DOCK10: variants seen among roughly 807,000 people sequenced by gnomAD.
The protein encoded by DOCK10 is dedicator of cytokinesis 10, also known as dedicator of cytokinesis protein 10.
Under a neutral mutation model 280.1 loss-of-function variants are expected in DOCK10, and 145 were observed. The ratio of observed to expected loss-of-function variants is 0.52; its 90% CI spans 0.45 to 0.59. The LOEUF is 0.59. DOCK10 is among the 20% of genes least tolerant of loss of function. The pLI is 0.00. For missense variants in DOCK10, 2,368 were observed against 2,651.7 expected (o/e 0.89, Z 2.35); for synonymous variants, 915 against 942.2 (o/e 0.97, Z 0.53).
At chr2:224,831,124 A>G (rs966104196) in intron 26 of DOCK10, among the ~76,000 whole-genome samples, 1 of 151,916 alleles carries the variant, frequency 6.6e-6, no homozygotes, top group African/African-American at 2.4e-5. Flanking sequence ...TCGTAGAGAC[A>G]GGGTTTTACC....
At chr2:224,866,380 A>C (rs1053632899) in intron 11 of DOCK10, among the ~76,000 whole-genome samples, 7 of 152,098 alleles carry the variant, frequency 4.6e-5, no homozygotes, top group African/African-American at 1.7e-4. Flanking sequence ...TGATTTTCAT[A>C]CTTCATTGTG....
intron 50 of DOCK10, among the ~76,000 whole-genome samples, chr2:224,782,098 A>AT (rs765006816): frequency 6.2e-4 from 94 of 152,258 alleles, no homozygotes; most frequent in Non-Finnish European, 1.2e-3. Flanking sequence ...TAGCATATAA[A>AT]TCTGAACTCA....
At chr2:225,011,506 C>T (rs1012225936) in intron 1 of DOCK10, among the ~76,000 whole-genome samples, 9 of 152,162 alleles carry the variant, frequency 5.9e-5, no homozygotes, top group African/African-American at 2.2e-4. Context: ...TAAAGAGAGG[C>T]CTGCAGTTAT....
intron 51 of DOCK10, among the ~76,000 whole-genome samples, chr2:224,775,676 C>G (rs1188662632): frequency 3.9e-5 from 6 of 152,100 alleles, no homozygotes; most frequent in Admixed American, 3.9e-4. Context: ...GGGTTATGCT[C>G]TGTTGGCCAG....
At chr2:224,835,106 G>A (rs1489544786) in intron 25 of DOCK10, among the ~76,000 whole-genome samples, 1 of 152,132 alleles carries the variant, frequency 6.6e-6, no homozygotes, top group East Asian at 1.9e-4. Context: ...AAACTTTGTA[G>A]CACATTGGCA....
intron 53 of DOCK10, among the ~76,000 whole-genome samples, chr2:224,771,926 T>G (rs1269009451): frequency 2.0e-5 from 3 of 151,844 alleles, no homozygotes; most frequent in African/African-American, 7.2e-5. Flanking sequence ...GCTTTTTTTT[T>G]TTTTTATTTT....
intron 19 of DOCK10, among the ~76,000 whole-genome samples, chr2:224,846,122 C>T (rs973101355): frequency 2.0e-5 from 3 of 152,194 alleles, no homozygotes; most frequent in Non-Finnish European, 2.9e-5. Flanking sequence ...GTGATGTATT[C>T]ACATGTTGAT....
intron 15 of DOCK10, 22 bp from the exon 16 acceptor site, chr2:224,855,064 G>GAGACAC (rs1697020669): frequency 1.8e-6 from 1 of 543,054 alleles, no homozygotes; most frequent in East Asian, 3.4e-5. Context: ...CATGAGCAAG[G>GAGACAC]ACACACACAC....
chr2:224,860,987 A>G (rs565241074), intron 14 of DOCK10: 1 of 152,268 alleles, frequency 6.6e-6, no homozygotes, highest in Admixed American at 6.5e-5. Context: ...GCACTATTGT[A>G]ATTTTGTTAT....
At chr2:224,831,497 T>C (rs1695232794) in intron 26 of DOCK10, among the ~76,000 whole-genome samples, 1 of 152,060 alleles carries the variant, frequency 6.6e-6, no homozygotes, top group Non-Finnish European at 1.5e-5. Flanking sequence ...TCCTGCCCCT[T>C]GAGGGGCCTG....
chr2:224,862,257 C>T (rs576775397), intron 14 of DOCK10: 59 of 160,002 alleles, frequency 3.7e-4, no homozygotes, highest in Non-Finnish European at 5.8e-4. Flanking sequence ...CTGAGCTCTA[C>T]GCATAAATGA....
chr2:224,855,502 A>G (rs948098250), intron 15 of DOCK10, among the ~76,000 whole-genome samples: 10 of 152,092 alleles, frequency 6.6e-5, no homozygotes, highest in Non-Finnish European at 1.2e-4. Context: ...CTCTTCACCA[A>G]CAAACAAGGA....
At chr2:225,010,745 C>T (rs574649637) in intron 1 of DOCK10, among the ~76,000 whole-genome samples, 1 of 152,142 alleles carries the variant, frequency 6.6e-6, no homozygotes, top group East Asian at 1.9e-4. Flanking sequence ...TACAGAAAAG[C>T]AAATCAAAAT....
chr2:224,780,914 G>A (rs989336938), intron 50 of DOCK10, among the ~76,000 whole-genome samples: 1 of 146,410 alleles, frequency 6.8e-6, no homozygotes, highest in Non-Finnish European at 1.5e-5. Context: ...AAAAAAAAAT[G>A]TATTGCGGCC....
chr2:224,823,401 T>A (rs935388101), intron 28 of DOCK10, 100 bp downstream of exon 28: 101 of 1,058,406 alleles, frequency 9.5e-5, no homozygotes, highest in Non-Finnish European at 1.1e-4. Context: ...TAGTTTTGAT[T>A]TTTCATCATA....
At chr2:225,029,297 G>A (rs1690010402) in intron 1 of DOCK10, among the ~76,000 whole-genome samples, 1 of 152,170 alleles carries the variant, frequency 6.6e-6, no homozygotes. Flanking sequence ...TCAGCTTCCT[G>A]AGTAGCTGGA....
chr2:224,842,419 A>G lies in DOCK10; in HGVS notation c.2569-523T>C, dbSNP rs1302216929. On this transcript the variant is annotated intron_variant, in intron 22 of 55. Coordinates refer to ENST00000258390, the MANE Select transcript of DOCK10 (RefSeq NM_014689.3). ...TTGAAATTTACTTCCAGAAGGTGGT[A>G]CCTGGAAAATTCTCTAAGTTCTGCC... Among the ~76,000 whole-genome samples the G allele has an allele frequency of 2.6e-5, 4 of 152,186 alleles. No individual in the cohort carries two copies. The East Asian group carries it at 7.7e-4, about 29-fold the overall frequency.
chr2:224,967,436 A>T (rs944426506), intron 1 of DOCK10, among the ~76,000 whole-genome samples: 7 of 152,072 alleles, frequency 4.6e-5, no homozygotes, highest in African/African-American at 1.7e-4. Flanking sequence ...TGTCTTAATG[A>T]TCTCCATAAT....
rs373665902 is a variant in DOCK10, at chr2:224,773,235, C to G, written c.6126G>C (p.Glu2042Asp). ...CTTCCATTGTGCAAAGCTGATTAAG[C>G]TCAGAAACCTTCTTGGACATCTCGT... ...AIDEMSKKVS[E>D]LNQLCTMEEV... Residue 2042 changes from glutamate to aspartate, a missense_variant, in exon 53 of 56, where the codon GAG (glutamate) becomes GAC (aspartate). By Grantham distance (45) the Glu-to-Asp change is conservative. This residue lies in a region of DOCK10 where 1,159 missense variants were observed against 1,400.8 expected (regional missense o/e 0.83). Transcript: ENST00000258390. The G allele has an allele frequency of 3.1e-6, 5 of 1,613,966 alleles. No individual in the cohort carries two copies. The highest frequency in any genetic ancestry group is 4.2e-6 in the Non-Finnish European group (5 of 1,179,880).
Sources: allele counts gnomAD v4.1 joint callset (sites outside exome capture counted in the v4.1 genomes callset), GRCh38; gene constraint gnomAD v4.1.1; regional missense constraint gnomAD v4.1.1; transcripts MANE v1.5; gene names NCBI Gene and HGNC (gene_info 2026-07-23, HGNC 2026-07-21).